L3MBTL4: variants seen among roughly 807,000 people sequenced by gnomAD.
L3MBTL4 encodes L3MBTL histone methyl-lysine binding protein 4.
A neutral mutation model predicts 84.5 loss-of-function variants in L3MBTL4; 70 were observed. That is an observed-to-expected ratio of 0.83 (90% confidence interval 0.68 to 1.01). The LOEUF (loss-of-function observed/expected upper bound fraction) is 1.01, where lower values mean the gene tolerates loss of function less well. Ranked by LOEUF, L3MBTL4 falls within the 50% of genes least tolerant of loss-of-function variation. L3MBTL4 has a pLI of 0.00. For missense variants in L3MBTL4, 715 were observed against 754.8 expected (o/e 0.95, Z 0.62); for synonymous variants, 274 against 259.8 (o/e 1.05, Z -0.52).
At chr18:6,329,736 C>T (rs142451527) in intron 1 of L3MBTL4, among the ~76,000 whole-genome samples, 35 of 152,200 alleles carry the variant, frequency 2.3e-4, no homozygotes, top group Admixed American at 1.3e-3. Flanking sequence ...TATGAAGTCA[C>T]CATTTCCACT....
intron 16 of L3MBTL4, among the ~76,000 whole-genome samples, chr18:6,070,860 A>T (rs2057567916): frequency 6.6e-6 from 1 of 151,962 alleles, no homozygotes; most frequent in Non-Finnish European, 1.5e-5. Flanking sequence ...TAACTAGAAG[A>T]CACTATGAAT....
intron 16 of L3MBTL4, among the ~76,000 whole-genome samples, chr18:5,973,854 T>C (rs2052770241): frequency 6.6e-6 from 1 of 152,194 alleles, no homozygotes; most frequent in Non-Finnish European, 1.5e-5. Flanking sequence ...CACGACCTCA[T>C]TGCCGTCATG....
chr18:6,378,710 T>G (rs565803542), intron 1 of L3MBTL4, among the ~76,000 whole-genome samples: 7 of 152,234 alleles, frequency 4.6e-5, no homozygotes, highest in Admixed American at 3.9e-4. Flanking sequence ...CGTGCTGTTT[T>G]GGTCACTGTA....
At chr18:6,096,022 A>G (rs1322129860) in intron 14 of L3MBTL4, among the ~76,000 whole-genome samples, 1 of 152,178 alleles carries the variant, frequency 6.6e-6, no homozygotes, top group African/African-American at 2.4e-5. Flanking sequence ...CTATCCATCT[A>G]GCACACACTC....
chr18:6,266,548 C>G (rs141088536), intron 4 of L3MBTL4, among the ~76,000 whole-genome samples: 2 of 152,140 alleles, frequency 1.3e-5, no homozygotes, highest in Non-Finnish European at 2.9e-5. Flanking sequence ...TGAAACCTCT[C>G]GAGACAATAC....
chr18:6,301,437 G>C (rs931795381), intron 4 of L3MBTL4, among the ~76,000 whole-genome samples: 2 of 152,060 alleles, frequency 1.3e-5, no homozygotes, highest in African/African-American at 4.8e-5. Flanking sequence ...AATATGAAAA[G>C]GCTATTATCT....
chr18:6,068,036 T>A (rs1248041764), intron 16 of L3MBTL4, among the ~76,000 whole-genome samples: 1 of 152,210 alleles, frequency 6.6e-6, no homozygotes, highest in African/African-American at 2.4e-5. Flanking sequence ...CCTAATTTGA[T>A]TCTTAATGCT....
At chr18:6,306,653 C>CA (rs2050598974) in intron 3 of L3MBTL4, among the ~76,000 whole-genome samples, 1 of 152,176 alleles carries the variant, frequency 6.6e-6, no homozygotes, top group Admixed American at 6.5e-5. Context: ...GGCCAGTGGC[C>CA]ACCATCTCAA....
chr18:6,031,330 C>A, intron 16 of L3MBTL4: 1 of 985,416 alleles, frequency 1.0e-6, no homozygotes, highest in Non-Finnish European at 1.2e-6. Context: ...TTTCTGGTTG[C>A]AGAGAAGATA....
chr18:6,254,507 A>G (rs777827248), intron 5 of L3MBTL4, among the ~76,000 whole-genome samples: 19 of 149,418 alleles, frequency 1.3e-4, no homozygotes, highest in Non-Finnish European at 2.5e-4. Flanking sequence ...ACAAAGCTGC[A>G]GTTAAGATGG....
intron 16 of L3MBTL4, among the ~76,000 whole-genome samples, chr18:5,980,500 C>G (rs2053166049): frequency 7.2e-6 from 1 of 138,380 alleles, no homozygotes; most frequent in African/African-American, 2.8e-5. Context: ...GGCATGATCT[C>G]AGCTCACTGC....
At chr18:6,317,612 G>T (rs1397500038) in intron 1 of L3MBTL4, among the ~76,000 whole-genome samples, 1 of 152,124 alleles carries the variant, frequency 6.6e-6, no homozygotes, top group East Asian at 1.9e-4. Context: ...TTATGTAAAA[G>T]GTCCAATCCT....
intron 13 of L3MBTL4, among the ~76,000 whole-genome samples, chr18:6,153,929 G>C (rs1414440545): frequency 2.0e-5 from 3 of 152,158 alleles, no homozygotes; most frequent in African/African-American, 7.2e-5. Flanking sequence ...CCCAGTCTCA[G>C]AGAAGCTCTT....
At chr18:6,037,074 A>T (rs1451526702) in intron 16 of L3MBTL4, among the ~76,000 whole-genome samples, 1 of 152,224 alleles carries the variant, frequency 6.6e-6, no homozygotes, top group Non-Finnish European at 1.5e-5. Flanking sequence ...GAGATGTGAC[A>T]ACAATGCTCA....
intron 4 of L3MBTL4, among the ~76,000 whole-genome samples, chr18:6,266,776 A>G (rs2048652379): frequency 6.6e-6 from 1 of 152,092 alleles, no homozygotes; most frequent in Non-Finnish European, 1.5e-5. Flanking sequence ...ATACAAAATT[A>G]GCCAGGTATA....
At chr18:6,159,996 A>C (rs2043255980) in intron 13 of L3MBTL4, among the ~76,000 whole-genome samples, 1 of 152,178 alleles carries the variant, frequency 6.6e-6, no homozygotes. Flanking sequence ...AGTGTTTAAA[A>C]CAAGGGCTGA....
chr18:6,098,919 C>G (rs1035819589), intron 14 of L3MBTL4, among the ~76,000 whole-genome samples: 2 of 151,920 alleles, frequency 1.3e-5, no homozygotes, highest in African/African-American at 2.4e-5. Context: ...CCTCCCAGAA[C>G]CAAAGGACAG....
At chr18:6,189,781 G>GA (rs926557176) in intron 12 of L3MBTL4, among the ~76,000 whole-genome samples, 5 of 151,922 alleles carry the variant, frequency 3.3e-5, no homozygotes, top group African/African-American at 1.2e-4. Flanking sequence ...GAAAATAGCA[G>GA]AAAAAAAGGC....
At chr18:6,311,228 G>T (rs745460841) in intron 3 of L3MBTL4, among the ~76,000 whole-genome samples, 1 of 151,928 alleles carries the variant, frequency 6.6e-6, no homozygotes, top group East Asian at 1.9e-4. Flanking sequence ...GTCATCCTAG[G>T]GGGTCCTGTT....
Sources: allele counts gnomAD v4.1 joint callset (sites outside exome capture counted in the v4.1 genomes callset), GRCh38; gene constraint gnomAD v4.1.1; transcripts MANE v1.5; gene names NCBI Gene and HGNC (gene_info 2026-07-23, HGNC 2026-07-21).